Variants in ATRX observed in about 807,000 individuals in gnomAD.
ATRX encodes the protein chromatin remodeler ATRX.
In ATRX, 12 loss-of-function variants were observed where a neutral mutation model predicts 172.6. The observed-to-expected ratio is 0.07, with a 90% CI of 0.04 to 0.11. The LOEUF is 0.11. Ranked by LOEUF, ATRX falls within the 10% of genes least tolerant of loss-of-function variation. The probability of loss-of-function intolerance (pLI) is 1.00; values close to 1 mark genes in which losing one functional copy is unlikely to be tolerated. For missense variants in ATRX, 1,368 were observed against 1,767.4 expected, an observed-to-expected ratio of 0.77 and a Z score of 4.05; for synonymous variants, 674 against 594.7, an observed-to-expected ratio of 1.13 and a Z score of -1.94.
chrX:77,593,838 A>T lies in ATRX; in HGVS notation c.5968T>A (p.Ser1990Thr), dbSNP rs142180002. ...SLKLEESKAT[S>T]SSNPSSPAPD... ...GCTGGGCTGCTTGGATTAGAAGAAG[A>T]AGTAGCTTTACCTAAATAAGACAAA... Residue 1990 changes from serine to threonine, a missense_variant, in exon 26 of 35, where the codon TCT becomes ACT. By Grantham distance (58) the Ser-to-Thr change is moderately conservative. Coordinates refer to ENST00000373344, the MANE Select transcript of ATRX (RefSeq NM_000489.6). 69 of 1,205,913 alleles carry T rather than the reference A, an allele frequency of 5.7e-5. No homozygotes were observed. In the African/African-American group the frequency reaches 8.6e-4, roughly 15 times the overall value.
chrX:77,766,104 C>G (rs1443692281), intron 1 of ATRX, among the ~76,000 whole-genome samples: 1 of 110,908 alleles, frequency 9.0e-6, no homozygotes, highest in African/African-American at 3.3e-5. Context: ...TACACAGACA[C>G]GGCAACCATC....
At chrX:77,665,895 G>A (rs1204746176) in intron 10 of ATRX, among the ~76,000 whole-genome samples, 1 of 111,838 alleles carries the variant, frequency 8.9e-6, no homozygotes, top group African/African-American at 3.2e-5. Context: ...TGAGATGATG[G>A]AACATTTGTT....
At chrX:77,693,700 T>A (rs918479682) in intron 6 of ATRX, 124 bp downstream of exon 6, 10 of 538,765 alleles carry the variant, frequency 1.9e-5, no homozygotes, top group Non-Finnish European at 3.2e-5. Flanking sequence ...GAAGTTATAT[T>A]TAAGTAGTGC....
rs45442391 is a variant in ATRX, at chrX:77,618,705, G to C, written c.5448+101C>G. On this transcript the variant is annotated intron_variant, in intron 21 of 34. Transcript: ENST00000373344. ...GTAAAACTATCTACTGAAAGAGCGG[G>C]AAAGAAAACACAAAATTATTAAACT... is the stretch of plus-strand genomic sequence containing the variant. 28 of 872,629 alleles carry C rather than the reference G, an allele frequency of 3.2e-5. No homozygotes were observed. In the East Asian group the frequency reaches 9.1e-4, roughly 28 times the overall value. The allele number at this position is 872,629 out of a possible 1,213,427, so 71.9% of individuals were successfully genotyped here.
intron 34 of ATRX, among the ~76,000 whole-genome samples, chrX:77,520,198 T>A (rs934344586): frequency 2.2e-4 from 24 of 111,350 alleles, no homozygotes; most frequent in Non-Finnish European, 2.8e-4. Context: ...GGATGGTTAA[T>A]AGGTACAAAA....
intron 1 of ATRX, among the ~76,000 whole-genome samples, chrX:77,745,402 A>G (rs1557184375): frequency 1.8e-5 from 2 of 111,467 alleles, no homozygotes; most frequent in Admixed American, 9.6e-5. Context: ...AGTCCTATTC[A>G]GCCCTTAAAA....
At chrX:77,695,589 T>C (rs1425105403) in intron 5 of ATRX, among the ~76,000 whole-genome samples, 1 of 111,381 alleles carries the variant, frequency 9.0e-6, no homozygotes, top group Non-Finnish European at 1.9e-5. Context: ...TTTCTGCCCT[T>C]GGCCACCAAA....
intron 15 of ATRX, among the ~76,000 whole-genome samples, chrX:77,647,850 C>T (rs1461776393): frequency 9.0e-6 from 1 of 110,744 alleles, no homozygotes; most frequent in African/African-American, 3.3e-5. Flanking sequence ...ATAAAGGAAA[C>T]ATGAAAATGA....
chrX:77,720,020 G>A, intron 1 of ATRX, among the ~76,000 whole-genome samples: 1 of 112,000 alleles, frequency 8.9e-6, no homozygotes, highest in Non-Finnish European at 1.9e-5. Context: ...TCAGGATTAA[G>A]AAACTCATTC....
chrX:77,736,496 C>T (rs1474083081), intron 1 of ATRX, among the ~76,000 whole-genome samples: 4 of 112,133 alleles, frequency 3.6e-5, no homozygotes, highest in African/African-American at 1.3e-4. Flanking sequence ...CAGAGAAATG[C>T]AAATCAAAGC....
At chrX:77,774,094 T>C (rs782704422) in intron 1 of ATRX, among the ~76,000 whole-genome samples, 1 of 110,154 alleles carries the variant, frequency 9.1e-6, no homozygotes, top group Non-Finnish European at 1.9e-5. Context: ...TGGTGGGGCA[T>C]GTCTGTAGTC....
intron 1 of ATRX, among the ~76,000 whole-genome samples, chrX:77,767,968 A>G (rs1294699972): frequency 1.8e-5 from 2 of 111,759 alleles, no homozygotes; most frequent in Non-Finnish European, 3.8e-5. Flanking sequence ...TTAAAATGAG[A>G]GACTGAACTA....
At chrX:77,625,215 T>C (rs1557102210) in intron 19 of ATRX, among the ~76,000 whole-genome samples, 1 of 112,382 alleles carries the variant, frequency 8.9e-6, no homozygotes, top group African/African-American at 3.2e-5. Flanking sequence ...AACTGCATCT[T>C]CGTCTCTCAT....
chrX:77,691,650 T>A (rs2071895512), intron 6 of ATRX, among the ~76,000 whole-genome samples: 1 of 111,797 alleles, frequency 8.9e-6, no homozygotes, highest in South Asian at 3.7e-4. Context: ...AGACTTTATA[T>A]ATTGTCTTAC....
At chrX:77,549,377 T>C (rs1458749999) in intron 30 of ATRX, among the ~76,000 whole-genome samples, 1 of 111,817 alleles carries the variant, frequency 8.9e-6, no homozygotes, top group East Asian at 2.8e-4. Context: ...AGAGTGAGAC[T>C]GTCTCAAAAT....
intron 9 of ATRX, among the ~76,000 whole-genome samples, chrX:77,677,185 A>G (rs1398266097): frequency 1.8e-5 from 2 of 111,860 alleles, no homozygotes; most frequent in African/African-American, 6.5e-5. Flanking sequence ...TTCAAAAGAA[A>G]AACTGAAATA....
chrX:77,602,238 G>A (rs1557087577), intron 22 of ATRX, among the ~76,000 whole-genome samples: 1 of 111,301 alleles, frequency 9.0e-6, no homozygotes, highest in African/African-American at 3.3e-5. Flanking sequence ...TAAACTCCTA[G>A]CTTTAAAGGA....
chrX:77,538,895 ATT>A (rs567391617), intron 30 of ATRX, among the ~76,000 whole-genome samples: 8 of 89,328 alleles, frequency 9.0e-5, no homozygotes, highest in Non-Finnish European at 6.8e-5. Flanking sequence ...ACTTTGCTCC[ATT>A]TTTTTTTTTT....
chrX:77,612,586 A>AAAAAT (rs1169166592), intron 22 of ATRX, among the ~76,000 whole-genome samples: 2 of 111,631 alleles, frequency 1.8e-5, no homozygotes, highest in East Asian at 5.6e-4. Context: ...AAAGTAAAAT[A>AAAAAT]AAAATAAAAT....
Sources: allele counts gnomAD v4.1 joint callset (sites outside exome capture counted in the v4.1 genomes callset), GRCh38; gene constraint gnomAD v4.1.1; transcripts MANE v1.5; gene names NCBI Gene and HGNC (gene_info 2026-07-23, HGNC 2026-07-21).